NR2F1-AS1: variants seen among roughly 807,000 people sequenced by gnomAD.
NR2F1-AS1 encodes the protein NR2F1 antisense RNA 1.
At chr5:93,506,926 G>T (rs1160459022) in intron 4 of NR2F1-AS1, among the ~76,000 whole-genome samples, 1 of 152,088 alleles carries the variant, frequency 6.6e-6, no homozygotes, top group Admixed American at 6.6e-5. Context: ...GAATTTAATT[G>T]ATTTAGTCAA....
chr5:93,507,167 T>C (rs1280676389), intron 4 of NR2F1-AS1, among the ~76,000 whole-genome samples: 2 of 152,158 alleles, frequency 1.3e-5, no homozygotes, highest in Non-Finnish European at 2.9e-5. Flanking sequence ...AAGAAACTTT[T>C]AGCAAACTAA....
intron 4 of NR2F1-AS1, among the ~76,000 whole-genome samples, chr5:93,486,575 C>T: frequency 6.6e-6 from 1 of 152,146 alleles, no homozygotes; most frequent in Non-Finnish European, 1.5e-5. Flanking sequence ...AAACCAATAA[C>T]AAGTTCTGAA....
intron 1 of NR2F1-AS1, among the ~76,000 whole-genome samples, chr5:93,573,047 G>A (rs1010186732): frequency 2.6e-5 from 4 of 152,212 alleles, no homozygotes; most frequent in African/African-American, 9.6e-5. Context: ...CTAGACCCGC[G>A]GCCTCAAGCG....
intron 4 of NR2F1-AS1, among the ~76,000 whole-genome samples, chr5:93,529,408 CAT>C (rs1751688344): frequency 6.6e-6 from 1 of 152,052 alleles, no homozygotes; most frequent in Non-Finnish European, 1.5e-5. Context: ...GGATTACAGA[CAT>C]AGTGAAAAAT....
At chr5:93,474,573 T>C (rs1003454927) in intron 4 of NR2F1-AS1, among the ~76,000 whole-genome samples, 7 of 152,188 alleles carry the variant, frequency 4.6e-5, no homozygotes, top group Admixed American at 4.6e-4. Flanking sequence ...CAGTGCCTGG[T>C]GAGGGCCTGC....
chr5:93,506,934 C>G (rs1443511844), intron 4 of NR2F1-AS1, among the ~76,000 whole-genome samples: 2 of 152,108 alleles, frequency 1.3e-5, no homozygotes, highest in Non-Finnish European at 2.9e-5. Flanking sequence ...TTGATTTAGT[C>G]AAGCAAAGTG....
chr5:93,581,743 CCTCTCCCTCTCCCTCTCCT>C (rs1753061815), upstream of NR2F1-AS1, among the ~76,000 whole-genome samples: 1 of 32,888 alleles, frequency 3.0e-5, no homozygotes, highest in Non-Finnish European at 5.8e-5. Context: ...TCCCCCTCTC[CCTCTCCCTCTCCCTCTCCT>C]CTCTCCCTCT....
chr5:93,507,265 G>A (rs1172260655), intron 4 of NR2F1-AS1, among the ~76,000 whole-genome samples: 3 of 152,196 alleles, frequency 2.0e-5, no homozygotes, highest in African/African-American at 4.8e-5. Flanking sequence ...AAAAATGTGT[G>A]TTAGTACTGC....
chr5:93,583,535 AAGGAGGAGG>A (rs879835171), upstream of NR2F1-AS1: 1 of 151,636 alleles, frequency 6.6e-6, no homozygotes, highest in Non-Finnish European at 1.5e-5. Flanking sequence ...AGAAAAAAAA[AAGGAGGAGG>A]AGGAGGAGGA....
chr5:93,536,318 A>G (rs951307725), intron 4 of NR2F1-AS1, among the ~76,000 whole-genome samples: 3 of 152,216 alleles, frequency 2.0e-5, no homozygotes, highest in African/African-American at 7.2e-5. Flanking sequence ...AAGATATCCC[A>G]TGTTCATAGA....
chr5:93,501,732 A>T (rs1166714893), intron 4 of NR2F1-AS1, among the ~76,000 whole-genome samples: 2 of 152,208 alleles, frequency 1.3e-5, no homozygotes, highest in African/African-American at 4.8e-5. Flanking sequence ...TGTGAACAAC[A>T]AAGTATTTGA....
chr5:93,457,729 C>G (rs188119920), intron 4 of NR2F1-AS1, among the ~76,000 whole-genome samples: 103 of 152,154 alleles, frequency 6.8e-4, no homozygotes, highest in Middle Eastern at 6.8e-3. Context: ...GTTTGTGTCA[C>G]CTTTGTGTTC....
chr5:93,520,513 T>C (rs1751480240), intron 4 of NR2F1-AS1, among the ~76,000 whole-genome samples: 2 of 152,124 alleles, frequency 1.3e-5, no homozygotes, highest in African/African-American at 4.8e-5. Flanking sequence ...AGAGGAAGTA[T>C]ACAGGTTTTA....
At chr5:93,567,680 A>T (rs1400686607) in intron 1 of NR2F1-AS1, among the ~76,000 whole-genome samples, 1 of 152,174 alleles carries the variant, frequency 6.6e-6, no homozygotes, top group Non-Finnish European at 1.5e-5. Flanking sequence ...GCCCTGGGGG[A>T]TATCACAGGC....
At chr5:93,504,662 A>C (rs1184321123) in intron 4 of NR2F1-AS1, among the ~76,000 whole-genome samples, 1 of 152,158 alleles carries the variant, frequency 6.6e-6, no homozygotes, top group African/African-American at 2.4e-5. Flanking sequence ...TGGCAGCAGC[A>C]AGAGAAAATG....
chr5:93,427,140 T>C (rs892213967), intron 4 of NR2F1-AS1, among the ~76,000 whole-genome samples: 2 of 152,208 alleles, frequency 1.3e-5, no homozygotes, highest in Admixed American at 6.5e-5. Context: ...GTAATGGTAG[T>C]AAACAAATTT....
At chr5:93,428,259 ATGATTG>A (rs924934630) in intron 4 of NR2F1-AS1, among the ~76,000 whole-genome samples, 30 of 152,196 alleles carry the variant, frequency 2.0e-4, no homozygotes, top group African/African-American at 6.8e-4. Flanking sequence ...GGTACAGCAA[ATGATTG>A]TCAGCAAATC....
At chr5:93,438,306 C>T (rs1749486282) in intron 4 of NR2F1-AS1, among the ~76,000 whole-genome samples, 1 of 152,180 alleles carries the variant, frequency 6.6e-6, no homozygotes, top group Admixed American at 6.5e-5. Flanking sequence ...CTGACTGCTG[C>T]TTGAAACTGC....
At chr5:93,469,280 T>C (rs1188810156) in intron 4 of NR2F1-AS1, among the ~76,000 whole-genome samples, 1 of 152,134 alleles carries the variant, frequency 6.6e-6, no homozygotes, top group South Asian at 2.1e-4. Flanking sequence ...TACAAACCCA[T>C]AGAACATGTA....
Sources: allele counts gnomAD v4.1 joint callset (sites outside exome capture counted in the v4.1 genomes callset), GRCh38; gene constraint gnomAD v4.1.1; transcripts MANE v1.5; gene names NCBI Gene and HGNC (gene_info 2026-07-23, HGNC 2026-07-21).